Variants in CCDC125 observed in about 807,000 individuals in gnomAD.
CCDC125 encodes coiled-coil domain containing 125.
CCDC125 carries 43 observed loss-of-function variants against 57.4 expected under a neutral mutation model. The ratio of observed to expected loss-of-function variants is 0.75; its 90% confidence interval spans 0.59 to 0.97. CCDC125 has a LOEUF of 0.97. CCDC125 is among the 50% of genes least tolerant of loss of function. CCDC125 has a pLI of 0.00. For synonymous variants in CCDC125, 187 were observed against 195.2 expected (o/e 0.96, Z 0.35); for missense variants, 563 against 595.7 (o/e 0.95, Z 0.57).
At chr5:69,301,938 C>A (rs1183566814) in intron 7 of CCDC125, among the ~76,000 whole-genome samples, 2 of 151,058 alleles carry the variant, frequency 1.3e-5, no homozygotes, top group Non-Finnish European at 2.9e-5. Context: ...TTTTAATTAG[C>A]TGGACATGGT....
intron 1 of CCDC125, among the ~76,000 whole-genome samples, chr5:69,329,917 C>T (rs1219971183): frequency 1.3e-5 from 2 of 152,224 alleles, no homozygotes; most frequent in Non-Finnish European, 1.5e-5. Context: ...GTCCAGTCCT[C>T]TGGCCACTTG....
intron 3 of CCDC125, among the ~76,000 whole-genome samples, chr5:69,312,234 G>A (rs909647596): frequency 7.2e-5 from 11 of 152,318 alleles, no homozygotes; most frequent in African/African-American, 2.6e-4. Flanking sequence ...GGAACACCAA[G>A]GATTGCAGCA....
At chr5:69,283,220 CTTT>C (rs1219833408) in intron 11 of CCDC125, among the ~76,000 whole-genome samples, 186 bp from the exon 12 acceptor site, 1 of 136,604 alleles carries the variant, frequency 7.3e-6, no homozygotes, top group Admixed American at 7.6e-5. Flanking sequence ...ATTCATGAAT[CTTT>C]TTTTTTTTTT....
intron 10 of CCDC125, among the ~76,000 whole-genome samples, chr5:69,286,923 A>G (rs902112948): frequency 6.6e-6 from 1 of 151,858 alleles, no homozygotes; most frequent in Non-Finnish European, 1.5e-5. Flanking sequence ...TTCAGTCTAA[A>G]AAAAGAAATA....
chr5:69,290,717 C>T (rs749180888), intron 10 of CCDC125, among the ~76,000 whole-genome samples: 5 of 149,480 alleles, frequency 3.3e-5, no homozygotes, highest in Non-Finnish European at 5.9e-5. Flanking sequence ...GCAACCTCCA[C>T]TTCCCAGGTT....
At chr5:69,302,703 G>A (rs1000663079) in intron 7 of CCDC125, among the ~76,000 whole-genome samples, 6 of 150,268 alleles carry the variant, frequency 4.0e-5, no homozygotes, top group South Asian at 2.1e-4. Flanking sequence ...CCAGCCTGGC[G>A]ATAAAGTGAG....
chr5:69,298,360 CT>C (rs1313454348), intron 8 of CCDC125, among the ~76,000 whole-genome samples: 2 of 152,124 alleles, frequency 1.3e-5, no homozygotes, highest in African/African-American at 4.8e-5. Context: ...AAATACAATC[CT>C]TTTTAAGAGG....
At chr5:69,299,270 T>C (rs998660701) in intron 8 of CCDC125, among the ~76,000 whole-genome samples, 10 of 151,914 alleles carry the variant, frequency 6.6e-5, no homozygotes, top group Non-Finnish European at 1.0e-4. Flanking sequence ...CCACCGCGCC[T>C]GGCTAATTTT....
chr5:69,279,807 GTAT>G (rs371232904), downstream of CCDC125, among the ~76,000 whole-genome samples: 165 of 151,792 alleles, frequency 1.1e-3, 1 homozygote, highest in African/African-American at 3.9e-3. Flanking sequence ...GGATAGGAGT[GTAT>G]TATTCCGTTC....
intron 10 of CCDC125, among the ~76,000 whole-genome samples, chr5:69,290,207 ATAC>A (rs1429087798): frequency 1.3e-5 from 2 of 152,022 alleles, no homozygotes; most frequent in African/African-American, 2.4e-5. Context: ...GCTGACTCCT[ATAC>A]TATTAGTAAT....
chr5:69,306,704 A>T (rs916744215), intron 6 of CCDC125, 113 bp downstream of exon 6: 61 of 1,179,692 alleles, frequency 5.2e-5, no homozygotes, highest in Non-Finnish European at 6.0e-5. Flanking sequence ...GTGGATAAGC[A>T]ATAAAAATTT....
At chr5:69,298,588 G>A (rs750980038) in intron 8 of CCDC125, among the ~76,000 whole-genome samples, 23 of 152,082 alleles carry the variant, frequency 1.5e-4, no homozygotes, top group Non-Finnish European at 2.4e-4. Context: ...TAAGACCTGG[G>A]AAGGGCCAAT....
At chr5:69,277,868 A>C (rs1367991644), downstream of CCDC125, among the ~76,000 whole-genome samples, 1 of 152,166 alleles carries the variant, frequency 6.6e-6, no homozygotes, top group African/African-American at 2.4e-5. Flanking sequence ...ATTACAGATA[A>C]AATTGAGATT....
chr5:69,284,118 TA>T (rs372595463), intron 11 of CCDC125, among the ~76,000 whole-genome samples: 6 of 149,024 alleles, frequency 4.0e-5, no homozygotes, highest in African/African-American at 4.9e-5. Flanking sequence ...AATAATTTTT[TA>T]AAAAAAAAAA....
At chr5:69,297,204 T>A (rs554524690) in intron 8 of CCDC125, among the ~76,000 whole-genome samples, 1 of 150,556 alleles carries the variant, frequency 6.6e-6, no homozygotes, top group East Asian at 1.9e-4. Context: ...ACCCAGCTAA[T>A]TTTTTTTTGT....
chr5:69,308,811 T>A lies in CCDC125; in HGVS notation c.454-783A>T, dbSNP rs567830899. 3.1e-5 allele frequency: 5 copies of A among 159,000 alleles called. No individual in the cohort carries two copies. In the South Asian group the frequency reaches 9.1e-4, roughly 29 times the overall value. 9.8% of individuals were successfully genotyped at this position (159,000 alleles called of 1,614,324 possible). A position where few individuals can be genotyped will look rare whatever the true frequency, so the allele number is the denominator to read the frequency against. On this transcript the variant is annotated intron_variant, in intron 4 of 11. Coordinates refer to ENST00000396496, the MANE Select transcript of CCDC125 (RefSeq NM_176816.5). ...GGAAAGATTGGAACTTTCTAGAGAC[T>A]TGTTGAGTGTCTTTCACAAAAACAC...
At chr5:69,295,358 T>C (rs1010006766) in intron 8 of CCDC125, among the ~76,000 whole-genome samples, 1 of 151,888 alleles carries the variant, frequency 6.6e-6, no homozygotes, top group African/African-American at 2.4e-5. Context: ...TTGTAATATA[T>C]AATGAGAAAA....
Position 69,283,007 on chromosome 5 carries a change from G to A in CCDC125, c.1258C>T (p.His420Tyr). The change falls in exon 12 of 12, where the codon CAT becomes TAT. Residue 420 changes from histidine to tyrosine, a missense_variant. His to Tyr is a moderately conservative substitution (Grantham distance 83). Transcript: ENST00000396496. ...LLNDKEEALA[H>Y]QRKVSYMLAR... Reference sequence around the variant, plus strand: ...AGCATGTAGCTAACTTTTCTTTGATGAGCCAAAGCTTCTTCTTTATCATTA... The same window carrying A: ...AGCATGTAGCTAACTTTTCTTTGATAAGCCAAAGCTTCTTCTTTATCATTA... 6.2e-7 allele frequency: 1 copy of A among 1,601,942 alleles called. No individual in the cohort carries two copies. The highest frequency in any genetic ancestry group is 8.5e-7 in the Non-Finnish European group (1 of 1,175,780).
Position 69,308,047 on chromosome 5 carries a change from G to A in CCDC125, c.454-19C>T, listed in dbSNP as rs971790187. 1.3e-6 allele frequency: 2 copies of A among 1,563,546 alleles called. No homozygotes were observed. Among genetic ancestry groups the A allele is most frequent in the African/African-American group, 2.7e-5 (2 of 74,046 alleles). On this transcript the variant is annotated intron_variant, in intron 4 of 11. Coordinates refer to ENST00000396496, the MANE Select transcript of CCDC125 (RefSeq NM_176816.5). ...GTATTGCCTAAGAAAAATAAAACTA[G>A]CATCAGTATAAATTAAATTTGTAAT... is the stretch of plus-strand genomic sequence containing the variant.
Sources: allele counts gnomAD v4.1 joint callset (sites outside exome capture counted in the v4.1 genomes callset), GRCh38; gene constraint gnomAD v4.1.1; transcripts MANE v1.5; gene names NCBI Gene and HGNC (gene_info 2026-07-23, HGNC 2026-07-21).